The following LINGO2 variants were observed in gnomAD, a reference collection of about 807,000 sequenced individuals.
LINGO2 encodes leucine rich repeat and Ig domain containing 2.
In LINGO2, 14 loss-of-function variants were observed where a neutral mutation model predicts 30.6. The observed-to-expected ratio is 0.46, with a 90% CI of 0.30 to 0.72. The LOEUF is 0.72. LINGO2 is among the 30% of genes least tolerant of loss of function. The pLI, the probability that LINGO2 is intolerant of heterozygous loss-of-function variation, is 0.07. For missense variants in LINGO2, 729 were observed against 751.7 expected (o/e 0.97, Z 0.35); for synonymous variants, 317 against 288.5 (o/e 1.10, Z -1.00).
intron 3 of LINGO2, among the ~76,000 whole-genome samples, chr9:28,319,777 T>C (rs1344896703): frequency 6.6e-6 from 1 of 152,148 alleles, no homozygotes; most frequent in South Asian, 2.1e-4. Flanking sequence ...TTTACATCTT[T>C]CTTCTGATGG....
the LINGO2 span, among the ~76,000 whole-genome samples, chr9:29,085,310 AAG>A: frequency 1.3e-4 from 19 of 142,856 alleles, no homozygotes; most frequent in African/African-American, 4.5e-4. Flanking sequence ...AAAAAAAAAA[AAG>A]AATAAATTAA....
At chr9:27,972,077 A>C (rs575833420) in intron 5 of LINGO2, among the ~76,000 whole-genome samples, 1 of 152,316 alleles carries the variant, frequency 6.6e-6, no homozygotes, top group South Asian at 2.1e-4. Flanking sequence ...CAATGGAACC[A>C]AAGTCACAAA....
chr9:28,280,488 A>G (rs777646312), intron 4 of LINGO2, among the ~76,000 whole-genome samples: 11 of 152,174 alleles, frequency 7.2e-5, no homozygotes, highest in African/African-American at 9.7e-5. Context: ...AACATTTCAA[A>G]TATCTATGAA....
At chr9:28,000,476 G>C (rs1821892731) in intron 5 of LINGO2, among the ~76,000 whole-genome samples, 1 of 152,120 alleles carries the variant, frequency 6.6e-6, no homozygotes, top group Non-Finnish European at 1.5e-5. Context: ...CAATGGAGTT[G>C]GATTAAATTC....
intron 5 of LINGO2, among the ~76,000 whole-genome samples, chr9:27,985,696 T>C (rs371578935): frequency 6.6e-6 from 1 of 151,702 alleles, no homozygotes; most frequent in Non-Finnish European, 1.5e-5. Context: ...ATTACTATGA[T>C]TCTACTGGCT....
At chr9:28,548,289 G>C (rs1485776958) in intron 1 of LINGO2, among the ~76,000 whole-genome samples, 1 of 151,994 alleles carries the variant, frequency 6.6e-6, no homozygotes, top group Non-Finnish European at 1.5e-5. Context: ...CTGTTTGAGG[G>C]GATATTCCCA....
Position 27,974,001 on chromosome 9 carries a change from TC to T in LINGO2, c.-35-23296del, listed in dbSNP as rs574679103. 1.1e-3 allele frequency among the ~76,000 whole-genome samples: 169 copies of T among 152,278 alleles called. 2 individuals carry two copies. Among genetic ancestry groups the T allele is most frequent in the Admixed American group, 3.9e-3 (59 of 15,288 alleles). ...CTTCTACTCAAGAGTACAAATGGAC[TC>T]AAGAGTAAGTAAAAATGGTGGTGTT... is the stretch of plus-strand genomic sequence containing the variant. On this transcript the variant is annotated intron_variant, in intron 5 of 5. Transcript: ENST00000379992.
chr9:28,648,274 C>T (rs1827933341), intron 1 of LINGO2, among the ~76,000 whole-genome samples: 1 of 152,076 alleles, frequency 6.6e-6, no homozygotes, highest in Admixed American at 6.6e-5. Context: ...TTGCTACAGA[C>T]ATTTTACGAG....
chr9:28,334,031 A>G (rs1825509523), intron 3 of LINGO2, among the ~76,000 whole-genome samples: 1 of 152,194 alleles, frequency 6.6e-6, no homozygotes, highest in Non-Finnish European at 1.5e-5. Context: ...CAGATTTGAA[A>G]ATTAGATTAC....
chr9:28,015,883 T>C (rs755027528), intron 4 of LINGO2, among the ~76,000 whole-genome samples: 2 of 151,258 alleles, frequency 1.3e-5, no homozygotes, highest in East Asian at 1.9e-4. Flanking sequence ...ATGTTTCAGA[T>C]GCAATGGAGA....
chr9:28,192,677 G>A (rs1819863486), intron 4 of LINGO2, among the ~76,000 whole-genome samples: 1 of 152,002 alleles, frequency 6.6e-6, no homozygotes, highest in Admixed American at 6.6e-5. Context: ...ATGTTCTACG[G>A]GTCATAATTT....
chr9:28,431,801 A>T (rs993544438), intron 2 of LINGO2, among the ~76,000 whole-genome samples: 5 of 152,192 alleles, frequency 3.3e-5, no homozygotes, highest in African/African-American at 1.2e-4. Flanking sequence ...TAAATGTTTT[A>T]TCCAAAGTGA....
chr9:28,351,258 C>T (rs1264368117), intron 3 of LINGO2, among the ~76,000 whole-genome samples: 1 of 143,610 alleles, frequency 7.0e-6, no homozygotes, highest in African/African-American at 2.6e-5. Flanking sequence ...GCTAGCAAGA[C>T]TAATAAAGAA....
chr9:28,996,798 T>C, the LINGO2 span, among the ~76,000 whole-genome samples: 1 of 152,212 alleles, frequency 6.6e-6, no homozygotes, highest in Non-Finnish European at 1.5e-5. Flanking sequence ...TAGATTAAAA[T>C]GTGAATTTCT....
At chr9:28,068,692 A>C (rs1825385684) in intron 4 of LINGO2, among the ~76,000 whole-genome samples, 1 of 152,182 alleles carries the variant, frequency 6.6e-6, no homozygotes, top group South Asian at 2.1e-4. Context: ...AAGATAAGTA[A>C]AGCAGAAATT....
chr9:29,089,366 G>T, the LINGO2 span, among the ~76,000 whole-genome samples: 1 of 151,778 alleles, frequency 6.6e-6, no homozygotes, highest in Non-Finnish European at 1.5e-5. Flanking sequence ...AGTTTTTGAG[G>T]TAATTCCAAC....
At chr9:28,363,064 AG>A (rs1346261961) in intron 3 of LINGO2, among the ~76,000 whole-genome samples, 1 of 152,286 alleles carries the variant, frequency 6.6e-6, no homozygotes, top group South Asian at 2.1e-4. Flanking sequence ...TATCTACGGC[AG>A]GCCAAAACAA....
intron 4 of LINGO2, among the ~76,000 whole-genome samples, chr9:28,196,447 T>A (rs1416029784): frequency 6.6e-6 from 1 of 151,832 alleles, no homozygotes; most frequent in Non-Finnish European, 1.5e-5. Flanking sequence ...AGACATTATA[T>A]GTACAAGCAG....
At chr9:28,610,718 G>C (rs141663870) in intron 1 of LINGO2, among the ~76,000 whole-genome samples, 181 of 152,062 alleles carry the variant, frequency 1.2e-3, no homozygotes, top group African/African-American at 4.2e-3. Flanking sequence ...AATAAACCAG[G>C]CTCAGATATT....
Sources: allele counts gnomAD v4.1 joint callset (sites outside exome capture counted in the v4.1 genomes callset), GRCh38; gene constraint gnomAD v4.1.1; transcripts MANE v1.5; gene names NCBI Gene and HGNC (gene_info 2026-07-23, HGNC 2026-07-21).